KCNJ5: variants seen among roughly 807,000 people sequenced by gnomAD.
The protein encoded by KCNJ5 is potassium inwardly rectifying channel subfamily J member 5.
In KCNJ5, 12 loss-of-function variants were observed where a neutral mutation model predicts 20.2. The observed-to-expected ratio is 0.59, with a 90% CI of 0.38 to 0.96. KCNJ5 has a LOEUF of 0.96. KCNJ5 is among the 40% of genes least tolerant of loss of function. The probability of loss-of-function intolerance (pLI) is 0.00; values close to 1 mark genes in which losing one functional copy is unlikely to be tolerated. For synonymous variants in KCNJ5, 210 were observed against 213.9 expected, an observed-to-expected ratio of 0.98 and a Z score of 0.16; for missense variants, 449 against 557.6, an observed-to-expected ratio of 0.81 and a Z score of 1.96.
At position 128,916,398 on chromosome 11, in the gene KCNJ5, C is replaced by T. The variant is rs72542772; in HGVS notation, c.938-11C>T. 945 of 1,609,694 alleles carry T rather than the reference C, an allele frequency of 5.9e-4. 6 individuals carry two copies. The African/African-American group carries it at 0.011, about 19-fold the overall frequency. ...ATTGCATCATAATGCATGTAACTTC[C>T]GTTTCCCCAGGCATGACCTGCCAAG... is the stretch of plus-strand genomic sequence containing the variant. On this transcript the variant is annotated splice_polypyrimidine_tract_variant and intron_variant, in intron 2 of 2. Transcript: ENST00000529694.
At position 128,916,684 on chromosome 11, in the gene KCNJ5, G is replaced by A. The variant is rs1250745887; in HGVS notation, c.1213G>A (p.Glu405Lys). 3 of 1,610,904 alleles carry A rather than the reference G, an allele frequency of 1.9e-6. No homozygotes were observed. Among genetic ancestry groups the A allele is most frequent in the Non-Finnish European group, 2.5e-6 (3 of 1,178,708 alleles). ...DAEAEQNEED[E>K]PKGLGGSREA... ...AGAGGCTGAGCAGAATGAAGAAGAT[G>A]AGCCCAAGGGGCTGGGTGGGTCCAG... is the stretch of plus-strand genomic sequence containing the variant. The change falls in exon 3 of 3, where the codon GAG becomes AAG. Residue 405 changes from glutamate (E) to lysine (K), a missense_variant. By Grantham distance (56) the Glu-to-Lys change is moderately conservative. Coordinates refer to ENST00000529694, the MANE Select transcript of KCNJ5 (RefSeq NM_000890.5).
At chr11:128,902,417 G>A in intron 1 of KCNJ5, 1 of 1,085,610 alleles carries the variant, frequency 9.2e-7, no homozygotes, top group Non-Finnish European at 1.4e-6. Flanking sequence ...ACTGTTCTCT[G>A]CAGCAGGTTT....
intron 1 of KCNJ5, among the ~76,000 whole-genome samples, chr11:128,907,219 A>C (rs950139637): frequency 1.3e-5 from 2 of 152,206 alleles, no homozygotes; most frequent in Non-Finnish European, 2.9e-5. Flanking sequence ...AAAGTAGGAA[A>C]TTGATAAAGA....
chr11:128,906,061 A>G (rs1235198914), intron 1 of KCNJ5: 1 of 102,780 alleles, frequency 9.7e-6, no homozygotes, highest in African/African-American at 3.8e-5. Context: ...CCACCCCTCC[A>G]GCCCCTTTCC....
chr11:128,904,295 A>G (rs1944351818), intron 1 of KCNJ5: 4 of 1,341,594 alleles, frequency 3.0e-6, no homozygotes, highest in Non-Finnish European at 4.1e-6. Flanking sequence ...CCCACCCCAG[A>G]CAAGCCAAAT....
rs894363769 is a variant in KCNJ5, at chr11:128,921,036, C to G, written c.*4305C>G. 3 of 152,246 alleles carry G rather than the reference C, an allele frequency of 2.0e-5. No individual in the cohort carries two copies. Among genetic ancestry groups the G allele is most frequent in the Non-Finnish European group, 4.4e-5 (3 of 68,048 alleles). 9.4% of individuals were successfully genotyped at this position (152,246 alleles called of 1,614,324 possible). A position where few individuals can be genotyped will look rare whatever the true frequency, so the allele number is the denominator to read the frequency against. ...CTCGGCTCGCCTTGGTTTTTGCTAA[C>G]AACGTCTCCTTAAACTGCTGTCAAA... On this transcript the variant is annotated 3_prime_UTR_variant, in exon 3 of 3. Transcript: ENST00000529694.
intron 1 of KCNJ5, among the ~76,000 whole-genome samples, chr11:128,910,294 A>G (rs975279846): frequency 1.3e-5 from 2 of 152,192 alleles, no homozygotes; most frequent in Admixed American, 1.3e-4. Flanking sequence ...CCCCACAAAC[A>G]CATTACGCCC....
chr11:128,902,521 G>C, intron 1 of KCNJ5: 2 of 1,567,030 alleles, frequency 1.3e-6, no homozygotes, highest in South Asian at 1.2e-5. Context: ...GGGGGAGGGG[G>C]CTGGGGAGCA....
chr11:128,898,598 C>T (rs1029179956), intron 1 of KCNJ5, among the ~76,000 whole-genome samples: 5 of 152,242 alleles, frequency 3.3e-5, no homozygotes, highest in African/African-American at 1.2e-4. Context: ...CATCCACTTA[C>T]ACTTCACTTT....
intron 2 of KCNJ5, among the ~76,000 whole-genome samples, chr11:128,914,935 G>A (rs1449468255): frequency 6.6e-6 from 1 of 152,256 alleles, no homozygotes; most frequent in Admixed American, 6.5e-5. Flanking sequence ...TGCCAAGGCT[G>A]TGGGGACAAC....
At chr11:128,896,027 C>T (rs1200780628) in intron 1 of KCNJ5, among the ~76,000 whole-genome samples, 4 of 152,356 alleles carry the variant, frequency 2.6e-5, no homozygotes, top group South Asian at 2.1e-4. Flanking sequence ...CCTGACTCCT[C>T]CTAGACACTC....
chr11:128,902,454 A>C, intron 1 of KCNJ5: 1 of 1,463,346 alleles, frequency 6.8e-7, no homozygotes. Context: ...AGGGAGGAGA[A>C]GGCAGCGAGG....
chr11:128,919,967 G>T lies in KCNJ5; in HGVS notation c.*3236G>T, dbSNP rs866891217. The T allele has an allele frequency of 1.8e-4, 27 of 152,306 alleles. No individual in the cohort carries two copies. Among genetic ancestry groups the T allele is most frequent in the African/African-American group, 6.3e-4 (26 of 41,542 alleles). 9.4% of individuals were successfully genotyped at this position (152,306 alleles called of 1,614,324 possible). ...GCCGTGGTTTAAGATGGGGTCATGC[G>T]CTGGTCATTCCCACAGTCTTGAGTA... On this transcript the variant is annotated 3_prime_UTR_variant, in exon 3 of 3. Transcript: ENST00000529694.
chr11:128,919,074 T>C lies in KCNJ5; in HGVS notation c.*2343T>C, dbSNP rs1944631628. ...GGGACTCCCTGGACCCCAGGGTTAC[T>C]AACAGCAAAACCATTCCACACCCCC... On this transcript the variant is annotated 3_prime_UTR_variant, in exon 3 of 3. Coordinates refer to ENST00000529694, the MANE Select transcript of KCNJ5 (RefSeq NM_000890.5). The C allele has an allele frequency of 6.6e-6, 1 of 152,462 alleles. No individual in the cohort carries two copies. The highest frequency in any genetic ancestry group is 1.5e-5 in the Non-Finnish European group (1 of 68,258). 9.4% of individuals were successfully genotyped at this position (152,462 alleles called of 1,614,324 possible).
chr11:128,903,590 CG>C, intron 1 of KCNJ5: 3 of 1,510,450 alleles, frequency 2.0e-6, no homozygotes, highest in Non-Finnish European at 2.7e-6. Context: ...GTTTCTACTG[CG>C]GGGGCCGTTG....
At chr11:128,898,613 T>C (rs1022675841) in intron 1 of KCNJ5, among the ~76,000 whole-genome samples, 1 of 152,252 alleles carries the variant, frequency 6.6e-6, no homozygotes, top group Non-Finnish European at 1.5e-5. Flanking sequence ...CACTTTGTCT[T>C]TCCTTTTTGT....
At chr11:128,899,260 A>C (rs1478079573) in intron 1 of KCNJ5, among the ~76,000 whole-genome samples, 1 of 152,206 alleles carries the variant, frequency 6.6e-6, no homozygotes, top group Admixed American at 6.5e-5. Flanking sequence ...ACCTTTTCTG[A>C]AATGATTAAA....
intron 1 of KCNJ5, among the ~76,000 whole-genome samples, chr11:128,892,320 G>GGCC (rs1354875759): frequency 2.6e-5 from 4 of 152,190 alleles, no homozygotes; most frequent in African/African-American, 9.7e-5. Context: ...GAACAGAGAA[G>GGCC]GCCGGCCTTG....
chr11:128,893,908 A>T (rs2135981159), intron 1 of KCNJ5, among the ~76,000 whole-genome samples: 1 of 152,362 alleles, frequency 6.6e-6, no homozygotes, highest in South Asian at 2.1e-4. Context: ...AGCAGTACTC[A>T]GCCTCGCTGT....
Sources: allele counts gnomAD v4.1 joint callset (sites outside exome capture counted in the v4.1 genomes callset), GRCh38; gene constraint gnomAD v4.1.1; transcripts MANE v1.5; gene names NCBI Gene and HGNC (gene_info 2026-07-23, HGNC 2026-07-21).